The following AFF1 variants were observed in gnomAD, a reference collection of about 807,000 sequenced individuals.
AFF1 encodes the protein AF4/FMR2 family member 1.
A neutral mutation model predicts 121.7 loss-of-function variants in AFF1; 48 were observed. The observed-to-expected ratio is 0.39, with a 90% CI of 0.31 to 0.50. The LOEUF is 0.50. AFF1 is among the 20% of genes least tolerant of loss of function. The pLI is 0.76. For missense variants in AFF1, 1,523 were observed against 1,511.7 expected (o/e 1.01, Z -0.12); for synonymous variants, 613 against 563.0 (o/e 1.09, Z -1.26).
intron 4 of AFF1, chr4:87,049,576 G>A (rs1292074702): frequency 4.6e-6 from 2 of 433,386 alleles, no homozygotes; most frequent in African/African-American, 4.1e-5. Context: ...TGAAGAATGG[G>A]GTTTTTTTTT....
intron 4 of AFF1, among the ~76,000 whole-genome samples, chr4:87,053,099 T>C (rs1013728568): frequency 6.6e-6 from 1 of 152,132 alleles, no homozygotes; most frequent in Non-Finnish European, 1.5e-5. Flanking sequence ...GAAAATAATT[T>C]GGGATTTGTG....
At chr4:87,097,107 G>T (rs1724952609) in intron 8 of AFF1, among the ~76,000 whole-genome samples, 1 of 152,182 alleles carries the variant, frequency 6.6e-6, no homozygotes, top group African/African-American at 2.4e-5. Context: ...GTATTTCTTT[G>T]TGATGGTTGG....
chr4:87,071,941 C>T (rs1189663561), intron 4 of AFF1, among the ~76,000 whole-genome samples: 2 of 151,976 alleles, frequency 1.3e-5, no homozygotes, highest in Non-Finnish European at 2.9e-5. Flanking sequence ...GTCAGGAGCT[C>T]TGGATTAAAG....
At chr4:86,960,643 A>G (rs531101504) in intron 2 of AFF1, among the ~76,000 whole-genome samples, 2 of 152,336 alleles carry the variant, frequency 1.3e-5, no homozygotes, top group East Asian at 1.9e-4. Context: ...GTTGAAAGCA[A>G]TGCTACTAAA....
intron 2 of AFF1, among the ~76,000 whole-genome samples, chr4:86,977,091 T>A (rs1578881182): frequency 6.6e-6 from 1 of 152,330 alleles, no homozygotes; most frequent in East Asian, 1.9e-4. Context: ...AATAACTTGA[T>A]CATGTTTCTG....
In AFF1 at chr4:87,126,153, C is replaced by T. The variant is rs61734708; in HGVS notation, c.2628C>T (p.Pro876=). The T allele has an allele frequency of 6.1e-5, 99 of 1,614,166 alleles. No homozygotes were observed. In the South Asian group the frequency reaches 7.8e-4, roughly 13 times the overall value. ...AGAAGGAAATGCTCCCCCCGCCACC[C>T]GTGTCCTCGTCCTCCCAGAAGCCAG... ...SSKKEMLPPP[P]VSSSSQKPAK... Residue 876 remains proline, a synonymous_variant, in exon 14 of 21, where the codon CCC becomes CCT. Transcript: ENST00000395146.
chr4:87,085,439 CTTT>C (rs912612374), intron 5 of AFF1, among the ~76,000 whole-genome samples: 3 of 135,010 alleles, frequency 2.2e-5, no homozygotes, highest in African/African-American at 8.1e-5. Flanking sequence ...CTTTTTTCTT[CTTT>C]TTTTTTTTTA....
chr4:87,022,553 T>TCTGTACAG (rs1728029813), intron 2 of AFF1, among the ~76,000 whole-genome samples: 1 of 49,622 alleles, frequency 2.0e-5, no homozygotes, highest in Admixed American at 2.7e-4. Context: ...GATATATATA[T>TCTGTACAG]ATATATATAT....
chr4:87,064,580 A>AC (rs1330217524), intron 4 of AFF1, among the ~76,000 whole-genome samples: 3 of 152,136 alleles, frequency 2.0e-5, no homozygotes, highest in African/African-American at 7.2e-5. Flanking sequence ...TCTCTACAAA[A>AC]CATTTTAAAA....
chr4:86,967,315 G>A lies in AFF1; in HGVS notation c.38+18744G>A, dbSNP rs909657267. ...GAACCATACTTGTGAAGACTTGGGC[G>A]AAAAGAAAAAACAAAACAGAAGTAA... is the stretch of plus-strand genomic sequence containing the variant. On this transcript the variant is annotated intron_variant, in intron 2 of 20. Coordinates refer to ENST00000395146, the MANE Select transcript of AFF1 (RefSeq NM_001166693.3). Among the ~76,000 whole-genome samples the A allele has an allele frequency of 1.2e-4, 19 of 152,156 alleles. No homozygotes were observed. In the East Asian group the frequency reaches 3.3e-3, roughly 26 times the overall value.
chr4:86,983,474 T>C (rs1560516952), intron 2 of AFF1, among the ~76,000 whole-genome samples: 1 of 151,814 alleles, frequency 6.6e-6, no homozygotes, highest in African/African-American at 2.4e-5. Context: ...GGTTGCAGTG[T>C]GCCGAGATCA....
At chr4:87,010,281 G>C (rs1726604538) in intron 2 of AFF1, among the ~76,000 whole-genome samples, 2 of 152,156 alleles carry the variant, frequency 1.3e-5, no homozygotes, top group African/African-American at 4.8e-5. Context: ...TTAAAATTTA[G>C]ATTTTTGGGG....
intron 1 of AFF1, 99 bp downstream of exon 1, chr4:86,935,339 CTCTGCCGGCTT>C (rs1161566293): frequency 3.3e-5 from 5 of 152,530 alleles, no homozygotes; most frequent in Non-Finnish European, 7.3e-5. Context: ...CTCCCCGCCT[CTCTGCCGGCTT>C]CCCAGCACGC....
intron 2 of AFF1, chr4:86,973,734 T>G (rs1419859349): frequency 4.5e-4 from 69 of 152,280 alleles, no homozygotes; most frequent in Non-Finnish European, 1.3e-4. Context: ...CTTTTTTCCT[T>G]TCTCTTTTCT....
chr4:86,965,506 C>G (rs1456481374), intron 2 of AFF1, among the ~76,000 whole-genome samples: 2 of 152,170 alleles, frequency 1.3e-5, no homozygotes, highest in Non-Finnish European at 2.9e-5. Flanking sequence ...GGAATTCCCC[C>G]TCTTCATTTT....
At position 87,054,834 on chromosome 4, in the gene AFF1, C is replaced by A. The variant is rs116477513; in HGVS notation, c.1059+7240C>A. 4.8e-3 allele frequency among the ~76,000 whole-genome samples: 724 copies of A among 152,276 alleles called. 5 individuals carry two copies. The highest frequency in any genetic ancestry group is 0.017 in the African/African-American group (689 of 41,560). On this transcript the variant is annotated intron_variant, in intron 4 of 20. Coordinates refer to ENST00000395146, the MANE Select transcript of AFF1 (RefSeq NM_001166693.3). Reference sequence around the variant, plus strand: ...AAGCTGTAAACCAGCAGCCTGAGGGCTAGGTTGGGCCTGCAGACAAATTAT... The same window carrying A: ...AAGCTGTAAACCAGCAGCCTGAGGGATAGGTTGGGCCTGCAGACAAATTAT...
In AFF1 at chr4:87,126,092, A is replaced by ACTCCAGGCC; in HGVS notation, c.2581_2589dup. On this transcript the variant is annotated splice_region_variant and splice_polypyrimidine_tract_variant and intron_variant, in intron 13 of 20. Coordinates refer to ENST00000395146, the MANE Select transcript of AFF1 (RefSeq NM_001166693.3). ...TCCTCTTAGTTTTACGTGATGTTTC[A>ACTCCAGGCC]CTCCAGGCCCTCCAGGCCCTCCTCA... The ACTCCAGGCC allele has an allele frequency of 5.0e-6, 8 of 1,613,114 alleles. No homozygotes were observed. The highest frequency in any genetic ancestry group is 1.7e-5 in the Admixed American group (1 of 59,966).
At chr4:87,131,340 T>C (rs13103234) in intron 17 of AFF1, 121 bp downstream of exon 17, 220,901 of 1,325,362 alleles carry the variant, frequency 0.17, 20,513 homozygotes, top group Non-Finnish European at 0.19. Flanking sequence ...AAAAAAGTTA[T>C]TGGTCTAAGA....
rs148503348 is a variant in AFF1, at chr4:86,938,164, T to C, written c.-37+2924T>C. 1.6e-3 allele frequency among the ~76,000 whole-genome samples: 251 copies of C among 152,160 alleles called. 5 individuals carry two copies. In the East Asian group the frequency reaches 0.034, roughly 21 times the overall value. On this transcript the variant is annotated intron_variant, in intron 1 of 20. Transcript: ENST00000395146. ...AGAGAGTGCAAATTAAGGAACCTCA[T>C]TGGGGCCAGGTGTGGTGGCTCACGC...
Sources: gnomAD v4.1 joint callset for allele counts (sites outside exome capture counted in the v4.1 genomes callset) on GRCh38, gnomAD v4.1.1 for gene constraint, MANE v1.5 for transcripts, NCBI Gene and HGNC (gene_info 2026-07-23, HGNC 2026-07-21) for gene names.